The following GRM7 variants were observed in gnomAD, a reference collection of about 807,000 sequenced individuals.
The protein encoded by GRM7 is glutamate metabotropic receptor 7, also known as metabotropic glutamate receptor 7.
GRM7 carries 35 observed loss-of-function variants against 84.5 expected under a neutral mutation model. That is an observed-to-expected ratio of 0.41 (90% CI 0.32 to 0.55). The LOEUF is 0.55. GRM7 is among the 20% of genes least tolerant of loss of function. The probability of loss-of-function intolerance (pLI) is 0.19; values close to 1 mark genes in which losing one functional copy is unlikely to be tolerated. For missense variants in GRM7, 1,003 were observed against 1,194.6 expected, an observed-to-expected ratio of 0.84 and a Z score of 2.36; for synonymous variants, 487 against 455.1, an observed-to-expected ratio of 1.07 and a Z score of -0.89.
At chr3:6,983,697 A>G (rs1694287920) in intron 1 of GRM7, among the ~76,000 whole-genome samples, 1 of 152,168 alleles carries the variant, frequency 6.6e-6, no homozygotes, top group Non-Finnish European at 1.5e-5. Context: ...CAGTTCATCT[A>G]TAAGTTAAAC....
At chr3:7,335,401 A>C (rs1319966613) in intron 4 of GRM7, among the ~76,000 whole-genome samples, 4 of 152,090 alleles carry the variant, frequency 2.6e-5, no homozygotes, top group Admixed American at 2.0e-4. Flanking sequence ...TCTGGGATAC[A>C]GCAAAAGTGG....
intron 1 of GRM7, among the ~76,000 whole-genome samples, chr3:7,103,765 T>TCTC (rs1553617365): frequency 6.5e-5 from 4 of 61,504 alleles, no homozygotes; most frequent in East Asian, 8.6e-4. Flanking sequence ...TTTCTTTCTT[T>TCTC]CTTTCTTTCT....
chr3:7,254,613 T>C (rs1168705030), intron 2 of GRM7, among the ~76,000 whole-genome samples: 1 of 152,216 alleles, frequency 6.6e-6, no homozygotes, highest in African/African-American at 2.4e-5. Context: ...TTTCTTCCAA[T>C]AAAACTTTTG....
chr3:7,571,050 A>G (rs1212577503), intron 7 of GRM7, among the ~76,000 whole-genome samples: 2 of 152,050 alleles, frequency 1.3e-5, no homozygotes, highest in Non-Finnish European at 2.9e-5. Flanking sequence ...GCAGTGCACC[A>G]ATTTCCTATG....
intron 1 of GRM7, among the ~76,000 whole-genome samples, chr3:7,009,504 G>A (rs1337927249): frequency 6.6e-6 from 1 of 152,218 alleles, no homozygotes; most frequent in Non-Finnish European, 1.5e-5. Flanking sequence ...AAAATGATAA[G>A]TAGATATAAA....
At chr3:7,428,193 C>T (rs1696687925) in intron 5 of GRM7, among the ~76,000 whole-genome samples, 1 of 152,102 alleles carries the variant, frequency 6.6e-6, no homozygotes, top group Admixed American at 6.6e-5. Flanking sequence ...TGAGTTGGTC[C>T]ACCAAGGAGT....
chr3:7,680,203 C>T lies in GRM7; in HGVS notation c.2606C>T (p.Ala869Val), dbSNP rs766724490. 5 of 1,614,138 alleles carry T rather than the reference C, an allele frequency of 3.1e-6. No individual in the cohort carries two copies. The highest frequency in any genetic ancestry group is 3.4e-6 in the Non-Finnish European group (4 of 1,179,962). ...RKRSFKAVVTAATMSSRLSHK... is the reference protein window; with the variant it reads ...RKRSFKAVVTVATMSSRLSHK... Reference sequence around the variant, plus strand: ...CGAAGCTTCAAGGCGGTAGTCACAGCAGCCACCATGTCATCGAGGCTGTCA... The same window carrying T: ...CGAAGCTTCAAGGCGGTAGTCACAGTAGCCACCATGTCATCGAGGCTGTCA... The change falls in exon 9 of 10, where the codon GCA (alanine) becomes GTA (valine). Residue 869 changes from alanine (A) to valine (V), a missense_variant. This residue lies in a region of GRM7 where 910 missense variants were observed against 1,126.0 expected (regional missense o/e 0.81). Coordinates refer to ENST00000357716, the MANE Select transcript of GRM7 (RefSeq NM_000844.4).
intron 7 of GRM7, among the ~76,000 whole-genome samples, chr3:7,525,646 T>G (rs116441236): frequency 9.1e-4 from 139 of 152,232 alleles, no homozygotes; most frequent in African/African-American, 3.3e-3. Context: ...TCTATTGATT[T>G]CATCACCCAA....
chr3:7,256,633 GCA>G (rs1024509108), intron 2 of GRM7, among the ~76,000 whole-genome samples: 10 of 141,900 alleles, frequency 7.0e-5, no homozygotes, highest in East Asian at 5.8e-4. Flanking sequence ...ACACACACAT[GCA>G]CACACACACA....
intron 2 of GRM7, among the ~76,000 whole-genome samples, chr3:7,240,354 T>A (rs147759101): frequency 6.6e-5 from 10 of 151,866 alleles, no homozygotes; most frequent in Non-Finnish European, 2.9e-5. Context: ...GTTTTTTTTT[T>A]AATCAGAAAT....
At chr3:7,379,534 T>A (rs528649081) in intron 4 of GRM7, among the ~76,000 whole-genome samples, 5 of 152,320 alleles carry the variant, frequency 3.3e-5, no homozygotes, top group African/African-American at 1.2e-4. Flanking sequence ...AAACCTTTAT[T>A]AGTAAAATCT....
At chr3:7,483,167 C>T (rs1470292652) in intron 7 of GRM7, among the ~76,000 whole-genome samples, 1 of 152,128 alleles carries the variant, frequency 6.6e-6, no homozygotes, top group Non-Finnish European at 1.5e-5. Context: ...ACTGAGGATG[C>T]AACCTTGGAC....
At chr3:7,439,808 A>G (rs527786827) in intron 5 of GRM7, among the ~76,000 whole-genome samples, 1 of 152,254 alleles carries the variant, frequency 6.6e-6, no homozygotes, top group East Asian at 1.9e-4. Context: ...GTATTTGAAA[A>G]CTGGGATAAG....
chr3:7,018,328 A>G (rs1389159151), intron 1 of GRM7, among the ~76,000 whole-genome samples: 2 of 152,270 alleles, frequency 1.3e-5, no homozygotes, highest in Admixed American at 1.3e-4. Context: ...TTTGGAATAA[A>G]GAGTAGAATT....
intron 2 of GRM7, among the ~76,000 whole-genome samples, chr3:7,176,951 G>A (rs1398237162): frequency 6.6e-6 from 1 of 152,208 alleles, no homozygotes; most frequent in African/African-American, 2.4e-5. Flanking sequence ...CGGAATTAAA[G>A]AACCACAAGA....
intron 7 of GRM7, among the ~76,000 whole-genome samples, chr3:7,539,483 T>C (rs1399489560): frequency 9.1e-6 from 1 of 109,654 alleles, no homozygotes; most frequent in Non-Finnish European, 2.2e-5. Context: ...AAGACTAGCC[T>C]GGCAAAAGAT....
chr3:7,365,161 G>C (rs932801100), intron 4 of GRM7, among the ~76,000 whole-genome samples: 3 of 151,670 alleles, frequency 2.0e-5, no homozygotes, highest in Non-Finnish European at 3.0e-5. Flanking sequence ...ATTTTTTAAA[G>C]ATTTATTTTA....
intron 7 of GRM7, among the ~76,000 whole-genome samples, chr3:7,489,822 C>T (rs1318464363): frequency 6.6e-6 from 1 of 151,734 alleles, no homozygotes; most frequent in African/African-American, 2.4e-5. Context: ...GCACAACCTT[C>T]AGGACAAAAT....
intron 1 of GRM7, among the ~76,000 whole-genome samples, chr3:7,008,960 TGTGA>T: frequency 6.6e-6 from 1 of 152,194 alleles, no homozygotes. Context: ...ATAAAATGTA[TGTGA>T]GGCTCAGATG....
Sources: gnomAD v4.1 joint callset for allele counts (sites outside exome capture counted in the v4.1 genomes callset) on GRCh38, gnomAD v4.1.1 for gene constraint, gnomAD v4.1.1 regional missense constraint, MANE v1.5 for transcripts, NCBI Gene and HGNC (gene_info 2026-07-23, HGNC 2026-07-21) for gene names.